The following VAC14 variants were observed in gnomAD, a reference collection of about 807,000 sequenced individuals.
VAC14 encodes the protein protein VAC14 homolog.
In VAC14, 47 loss-of-function variants were observed where a neutral mutation model predicts 85.3. The ratio of observed to expected loss-of-function variants is 0.55; its 90% confidence interval spans 0.44 to 0.70. The LOEUF (loss-of-function observed/expected upper bound fraction) is 0.70, where lower values mean the gene tolerates loss of function less well. VAC14 is among the 30% of genes least tolerant of loss of function. The probability of loss-of-function intolerance (pLI) is 0.00; values close to 1 mark genes in which losing one functional copy is unlikely to be tolerated. For missense variants in VAC14, 861 were observed against 1,004.3 expected (o/e 0.86, Z 1.93); for synonymous variants, 447 against 430.5 (o/e 1.04, Z -0.47).
rs774977814 is a variant in VAC14 at position 70,801,125 on chromosome 16, G to A, written c.-225C>T. The A allele has an allele frequency of 2.3e-5, 10 of 427,494 alleles. No homozygotes were observed. The highest frequency in any genetic ancestry group is 1.3e-4 in the African/African-American group (6 of 47,964). The allele number at this position is 427,494 out of a possible 1,614,324, so 26.5% of individuals were successfully genotyped here. ...TAACAACTCCCGCCCGGCACTAGCG[G>A]GACTCACGAGACAGCGGCCATGTTA... is the stretch of plus-strand genomic sequence containing the variant. On this transcript the variant is annotated 5_prime_UTR_variant, in exon 1 of 19. Coordinates refer to ENST00000261776, the MANE Select transcript of VAC14 (RefSeq NM_018052.5).
chr16:70,689,918 G>T, intron 18 of VAC14: 10 of 985,524 alleles, frequency 1.0e-5, no homozygotes, highest in Non-Finnish European at 1.2e-5. Flanking sequence ...TAAGTCCAGG[G>T]TGTGGCCAGA....
At chr16:70,719,419 C>G (rs1246774267) in intron 14 of VAC14, among the ~76,000 whole-genome samples, 2 of 152,090 alleles carry the variant, frequency 1.3e-5, no homozygotes, top group Admixed American at 1.3e-4. Context: ...CATCAAAGGA[C>G]ATCATTAAGG....
Position 70,785,631 on chromosome 16 carries a change from A to G in VAC14, c.423+71T>C, listed in dbSNP as rs570117044. 2.7e-6 allele frequency: 4 copies of G among 1,474,008 alleles called. No homozygotes were observed. The Admixed American group carries it at 9.2e-5, about 34-fold the overall frequency. The allele number at this position is 1,474,008 out of a possible 1,614,324, so 91.3% of individuals were successfully genotyped here. A position where few individuals can be genotyped will look rare whatever the true frequency, so the allele number is the denominator to read the frequency against. On this transcript the variant is annotated intron_variant, in intron 3 of 18. Coordinates refer to ENST00000261776, the MANE Select transcript of VAC14 (RefSeq NM_018052.5). ...GCTTGCATCTGGGAAAAGGGGTCCAAGGTTCCAGAAGGTCAAGTGAGGTGG... is the reference window on the plus strand; with the variant it reads ...GCTTGCATCTGGGAAAAGGGGTCCAGGGTTCCAGAAGGTCAAGTGAGGTGG...
At chr16:70,797,806 T>C (rs1423005404) in intron 1 of VAC14, among the ~76,000 whole-genome samples, 2 of 152,176 alleles carry the variant, frequency 1.3e-5, no homozygotes, top group East Asian at 1.9e-4. Flanking sequence ...TGTTTGAAAG[T>C]GTGCAGCACC....
chr16:70,687,817 G>A lies in VAC14; in HGVS notation c.*111C>T. 2 of 1,201,188 alleles carry A rather than the reference G, an allele frequency of 1.7e-6. No individual in the cohort carries two copies. The highest frequency in any genetic ancestry group is 5.4e-5 in the South Asian group (2 of 37,300). The allele number at this position is 1,201,188 out of a possible 1,614,324, so 74.4% of individuals were successfully genotyped here. On this transcript the variant is annotated 3_prime_UTR_variant, in exon 19 of 19. Transcript: ENST00000261776. Reference sequence around the variant, plus strand: ...CCGGCCCCAACACTGCCCTGGGTTGGCAGGCCCAGCCCTGGTCCTGACAGG... The same window carrying A: ...CCGGCCCCAACACTGCCCTGGGTTGACAGGCCCAGCCCTGGTCCTGACAGG...
At chr16:70,731,171 TG>T in intron 14 of VAC14, 1 of 640,966 alleles carries the variant, frequency 1.6e-6, no homozygotes, top group Non-Finnish European at 2.0e-6. Flanking sequence ...CCACGCCATC[TG>T]GCTCACCTCC....
intron 13 of VAC14, among the ~76,000 whole-genome samples, chr16:70,742,770 T>C (rs1353825228): frequency 1.3e-5 from 2 of 152,252 alleles, no homozygotes; most frequent in Non-Finnish European, 2.9e-5. Context: ...ACTCTCAGGC[T>C]GGGACCAGCC....
chr16:70,789,374 G>C (rs2034219151), intron 1 of VAC14, among the ~76,000 whole-genome samples: 1 of 152,214 alleles, frequency 6.6e-6, no homozygotes, highest in Non-Finnish European at 1.5e-5. Context: ...TGCAGCCTGA[G>C]TGTTCCATTC....
At chr16:70,767,543 C>A (rs1217186031) in intron 10 of VAC14, among the ~76,000 whole-genome samples, 1 of 152,214 alleles carries the variant, frequency 6.6e-6, no homozygotes, top group Non-Finnish European at 1.5e-5. Context: ...TGGCAACAGC[C>A]TGAGCCTCAT....
intron 18 of VAC14, chr16:70,688,637 C>T (rs1009400245): frequency 6.1e-6 from 6 of 985,490 alleles, no homozygotes; most frequent in Non-Finnish European, 7.2e-6. Context: ...AGGAGGAATG[C>T]CGGTCTCACC....
intron 14 of VAC14, among the ~76,000 whole-genome samples, chr16:70,708,863 C>G (rs1567529333): frequency 6.6e-6 from 1 of 152,204 alleles, no homozygotes; most frequent in Non-Finnish European, 1.5e-5. Context: ...GACCATTGTC[C>G]CCCGGCCATG....
chr16:70,714,641 G>A (rs1342062955), intron 14 of VAC14: 1 of 152,250 alleles, frequency 6.6e-6, no homozygotes, highest in Non-Finnish European at 1.5e-5. Flanking sequence ...GCTGACTGAA[G>A]CCAGCGTACC....
intron 18 of VAC14, chr16:70,688,880 T>C: frequency 4.1e-6 from 4 of 985,524 alleles, no homozygotes; most frequent in Non-Finnish European, 4.8e-6. Context: ...TCTCATGAAA[T>C]GTTCTGCTCC....
intron 1 of VAC14, among the ~76,000 whole-genome samples, chr16:70,790,962 C>T (rs1160721893): frequency 6.6e-6 from 1 of 152,222 alleles, no homozygotes; most frequent in African/African-American, 2.4e-5. Context: ...TGGAGAGCAC[C>T]GGGCCTGGGG....
intron 1 of VAC14, among the ~76,000 whole-genome samples, chr16:70,788,316 A>G (rs1261631855): frequency 6.6e-6 from 1 of 152,224 alleles, no homozygotes; most frequent in Non-Finnish European, 1.5e-5. Context: ...TGGAGCACCT[A>G]TCATGCGCCA....
chr16:70,759,460 C>G, intron 12 of VAC14, among the ~76,000 whole-genome samples: 1 of 152,216 alleles, frequency 6.6e-6, no homozygotes, highest in East Asian at 1.9e-4. Context: ...AAGCCCGTCT[C>G]TACTAAAAAT....
intron 13 of VAC14, among the ~76,000 whole-genome samples, chr16:70,733,820 C>CTTTTTG (rs554189760): frequency 3.3e-5 from 5 of 152,140 alleles, no homozygotes; most frequent in South Asian, 4.2e-4. Context: ...TCAATCAGGT[C>CTTTTTG]TTTTTGTTTT....
At chr16:70,775,415 T>C (rs1323007260) in intron 9 of VAC14, among the ~76,000 whole-genome samples, 1 of 152,218 alleles carries the variant, frequency 6.6e-6, no homozygotes, top group Non-Finnish European at 1.5e-5. Flanking sequence ...ACAAAACTTA[T>C]TTTCTGCAAC....
chr16:70,737,812 C>T (rs950957533), intron 13 of VAC14, among the ~76,000 whole-genome samples: 1 of 152,222 alleles, frequency 6.6e-6, no homozygotes, highest in East Asian at 1.9e-4. Flanking sequence ...ATAAAAATAA[C>T]CCTGGCTTCA....
Sources: gnomAD v4.1 joint callset for allele counts (sites outside exome capture counted in the v4.1 genomes callset) on GRCh38, gnomAD v4.1.1 for gene constraint, MANE v1.5 for transcripts, NCBI Gene and HGNC (gene_info 2026-07-23, HGNC 2026-07-21) for gene names.